MEF2C: variants seen among roughly 807,000 people sequenced by gnomAD.
MEF2C encodes the protein myocyte enhancer factor 2C, also known as myocyte-specific enhancer factor 2C.
A neutral mutation model predicts 50.5 loss-of-function variants in MEF2C; 6 were observed. The ratio of observed to expected loss-of-function variants is 0.12; its 90% CI spans 0.07 to 0.23. The LOEUF is 0.23. Ranked by LOEUF, MEF2C falls within the 10% of genes least tolerant of loss-of-function variation. The pLI is 1.00. For synonymous variants in MEF2C, 183 were observed against 228.0 expected (o/e 0.80, Z 1.78); for missense variants, 276 against 605.0 (o/e 0.46, Z 5.70).
rs778836763 is a variant in MEF2C, at chr5:88,823,703, A to C, written c.54+32T>G. On this transcript the variant is annotated intron_variant, in intron 2 of 10. Transcript: ENST00000504921. ...TATGTGGAGAAAATATAATTAATAAATAATGATACAAAAAAAGTTTACTCC... is the reference window on the plus strand; with the variant it reads ...TATGTGGAGAAAATATAATTAATAACTAATGATACAAAAAAAGTTTACTCC... The C allele has an allele frequency of 1.6e-5, 24 of 1,542,110 alleles. No homozygotes were observed. In the African/African-American group the frequency reaches 2.6e-4, roughly 17 times the overall value.
chr5:88,764,895 T>G lies in MEF2C; in HGVS notation c.259-3567A>C, dbSNP rs1172414895. Among the ~76,000 whole-genome samples the G allele has an allele frequency of 1.3e-5, 2 of 151,700 alleles. 1 individual carries two copies. The highest frequency in any genetic ancestry group is 4.2e-4 in the South Asian group (2 of 4,816). On this transcript the variant is annotated intron_variant, in intron 3 of 10. Coordinates refer to ENST00000504921, the MANE Select transcript of MEF2C (RefSeq NM_002397.5). ...CAAGTATGAAAATAGAGCTAAAATA[T>G]TGATTTTCTTAGATGTCAAATTTTA...
At position 88,823,756 on chromosome 5, in the gene MEF2C, A is replaced by G; in HGVS notation, c.33T>C (p.Ile11=). The part of the protein sequence containing the change: MGRKKIQITR[I]MDERNRQVTF... ...TCACCTGTCTGTTACGTTCATCCAT[A>G]ATCCTCGTAATCTGAATCTTTTTTC... The change falls in exon 2 of 11, where the codon ATT becomes ATC. Residue 11 remains isoleucine, a synonymous_variant. Coordinates refer to ENST00000504921, the MANE Select transcript of MEF2C (RefSeq NM_002397.5). 6.2e-7 allele frequency: 1 copy of G among 1,609,202 alleles called. No individual in the cohort carries two copies. The highest frequency in any genetic ancestry group is 8.5e-7 in the Non-Finnish European group (1 of 1,177,154).
intron 1 of MEF2C, among the ~76,000 whole-genome samples, chr5:88,896,671 C>T (rs1000707439): frequency 6.6e-6 from 1 of 152,110 alleles, no homozygotes; most frequent in Admixed American, 6.5e-5. Flanking sequence ...AATCATCACT[C>T]AAGATTCAAA....
At chr5:88,816,669 A>C (rs1215098464) in intron 2 of MEF2C, among the ~76,000 whole-genome samples, 1 of 151,828 alleles carries the variant, frequency 6.6e-6, no homozygotes, top group Non-Finnish European at 1.5e-5. Flanking sequence ...AGGCATCCCC[A>C]ATATGTGGCA....
intron 1 of MEF2C, among the ~76,000 whole-genome samples, chr5:88,877,310 G>A (rs1036029443): frequency 6.6e-6 from 1 of 151,768 alleles, no homozygotes; most frequent in African/African-American, 2.4e-5. Flanking sequence ...GATTTAACTT[G>A]TACAATAAAA....
intron 4 of MEF2C, among the ~76,000 whole-genome samples, chr5:88,760,407 C>G (rs1379065460): frequency 2.6e-5 from 4 of 152,244 alleles, no homozygotes; most frequent in Admixed American, 6.5e-5. Flanking sequence ...CCCCAGCACA[C>G]AAACATGTTG....
At chr5:88,725,327 T>A (rs1023946029) in intron 10 of MEF2C, among the ~76,000 whole-genome samples, 2 of 152,082 alleles carry the variant, frequency 1.3e-5, no homozygotes, top group Non-Finnish European at 2.9e-5. Flanking sequence ...AGTAGTAAAA[T>A]GCAAGTGATA....
chr5:88,897,422 C>A (rs1835226391), intron 1 of MEF2C, among the ~76,000 whole-genome samples: 1 of 152,188 alleles, frequency 6.6e-6, no homozygotes, highest in African/African-American at 2.4e-5. Flanking sequence ...TTAAACTCCA[C>A]AGGTCAGTGA....
chr5:88,828,021 ACT>A (rs947319654), intron 1 of MEF2C, among the ~76,000 whole-genome samples: 1 of 151,886 alleles, frequency 6.6e-6, no homozygotes, highest in African/African-American at 2.4e-5. Flanking sequence ...AATAACACAA[ACT>A]CTGCATCTAT....
chr5:88,729,450 A>T (rs1175810083), intron 8 of MEF2C, 103 bp from the exon 9 acceptor site: 3 of 1,043,618 alleles, frequency 2.9e-6, no homozygotes, highest in Non-Finnish European at 2.8e-6. Context: ...CTTGGTACAA[A>T]TCTCATGAAA....
chr5:88,797,499 G>A lies in MEF2C; in HGVS notation c.258+7099C>T, dbSNP rs1221590759. 6.9e-5 allele frequency among the ~76,000 whole-genome samples: 6 copies of A among 86,666 alleles called. No homozygotes were observed. In the Admixed American group the frequency reaches 8.0e-4, roughly 12 times the overall value. 56.9% of individuals were successfully genotyped at this position (86,666 alleles called of 152,430 possible). ...TTTTTTTTTGCTTTCCATTTGCTTG[G>A]TAAATATTCATCCATCCCTTTATTT... On this transcript the variant is annotated intron_variant, in intron 3 of 10. Coordinates refer to ENST00000504921, the MANE Select transcript of MEF2C (RefSeq NM_002397.5).
intron 4 of MEF2C, among the ~76,000 whole-genome samples, chr5:88,755,007 A>G (rs1241460874): frequency 6.6e-6 from 1 of 151,978 alleles, no homozygotes; most frequent in East Asian, 1.9e-4. Flanking sequence ...TGACCACCCT[A>G]TTTAATCCTG....
At chr5:88,865,802 C>CAGGAAACCAGTCATTTTTATCTGG (rs1827107453) in intron 1 of MEF2C, among the ~76,000 whole-genome samples, 1 of 152,194 alleles carries the variant, frequency 6.6e-6, no homozygotes, top group South Asian at 2.1e-4. Flanking sequence ...CGCCAGTGGG[C>CAGGAAACCAGTCATTTTTATCTGG]ATCGTAAGTG....
rs369588348 is a variant in MEF2C, at chr5:88,720,193, T to C, written c.*2411A>G. The C allele has an allele frequency of 1.3e-5, 2 of 152,180 alleles. No homozygotes were observed. Among genetic ancestry groups the C allele is most frequent in the East Asian group, 1.9e-4 (1 of 5,190 alleles). The allele number at this position is 152,180 out of a possible 1,614,324, so 9.4% of individuals were successfully genotyped here. A position where few individuals can be genotyped will look rare whatever the true frequency, so the allele number is the denominator to read the frequency against. On this transcript the variant is annotated 3_prime_UTR_variant, in exon 11 of 11. Transcript: ENST00000504921. ...TCAAGTCTATGGTGAGGAAAATGAT[T>C]TTCTTATTTTATTCCCCTGTGCGTG...
chr5:88,855,590 G>C (rs1221906299), intron 1 of MEF2C, among the ~76,000 whole-genome samples: 1 of 152,156 alleles, frequency 6.6e-6, no homozygotes, highest in African/African-American at 2.4e-5. Context: ...CGTGTCATGG[G>C]AGGGACCAGG....
chr5:88,879,592 T>C (rs984817278), intron 1 of MEF2C, among the ~76,000 whole-genome samples: 1 of 152,072 alleles, frequency 6.6e-6, no homozygotes, highest in Non-Finnish European at 1.5e-5. Context: ...TTGTGCTCTT[T>C]ATAACGCCTC....
intron 6 of MEF2C, chr5:88,736,570 A>AG: frequency 1.1e-6 from 1 of 940,956 alleles, no homozygotes; most frequent in Non-Finnish European, 1.3e-6. Flanking sequence ...TCTCTACTTG[A>AG]GGGGTTCTTC....
intron 1 of MEF2C, among the ~76,000 whole-genome samples, chr5:88,846,094 T>C (rs868376043): frequency 2.1e-4 from 31 of 149,920 alleles, no homozygotes; most frequent in Non-Finnish European, 3.3e-4. Context: ...TTGAGATGCA[T>C]TCTAGCTCTG....
intron 3 of MEF2C, among the ~76,000 whole-genome samples, chr5:88,797,864 C>T (rs184474769): frequency 0.013 from 1,989 of 152,154 alleles, 26 homozygotes; most frequent in Non-Finnish European, 0.022. Flanking sequence ...TCTCAGTATT[C>T]GCTTGTCTGT....
Sources: gnomAD v4.1 joint callset for allele counts (sites outside exome capture counted in the v4.1 genomes callset) on GRCh38, gnomAD v4.1.1 for gene constraint, MANE v1.5 for transcripts, NCBI Gene and HGNC (gene_info 2026-07-23, HGNC 2026-07-21) for gene names.